Variants in TARBP1 observed in about 807,000 individuals in gnomAD.
TARBP1 encodes the protein tRNA (guanosine(18)-2'-O)-methyltransferase TARBP1.
In TARBP1, 144 loss-of-function variants were observed where a neutral mutation model predicts 178.6. The ratio of observed to expected loss-of-function variants is 0.81; its 90% CI spans 0.70 to 0.93. The LOEUF is 0.93. TARBP1 is among the 40% of genes least tolerant of loss of function. The pLI, the probability that TARBP1 is intolerant of heterozygous loss-of-function variation, is 0.00. For synonymous variants in TARBP1, 787 were observed against 781.0 expected (o/e 1.01, Z -0.13); for missense variants, 2,067 against 2,011.7 (o/e 1.03, Z -0.53).
intron 20 of TARBP1, among the ~76,000 whole-genome samples, chr1:234,421,906 C>T (rs536085834): frequency 6.6e-6 from 1 of 152,332 alleles, no homozygotes; most frequent in Admixed American, 6.5e-5. Context: ...GACCTTTCTT[C>T]TTCCATAATC....
intron 19 of TARBP1, among the ~76,000 whole-genome samples, chr1:234,426,044 A>C (rs1248628296): frequency 1.3e-5 from 2 of 152,264 alleles, no homozygotes; most frequent in Non-Finnish European, 1.5e-5. Flanking sequence ...TGGAGAATCA[A>C]TGCACACGCT....
In TARBP1 at chr1:234,405,894, G is replaced by A; in HGVS notation, c.3989+9C>T. On this transcript the variant is annotated intron_variant, in intron 24 of 29. Coordinates refer to ENST00000040877, the MANE Select transcript of TARBP1 (RefSeq NM_005646.4). ...AGTGAGGGCGATGAGGTTGACGAGG[G>A]CTCCTTACCCTGCTCCGTGCATGCT... 6 of 1,611,664 alleles carry A rather than the reference G, an allele frequency of 3.7e-6. No homozygotes were observed. The highest frequency in any genetic ancestry group is 4.2e-6 in the Non-Finnish European group (5 of 1,178,446).
intron 22 of TARBP1, among the ~76,000 whole-genome samples, chr1:234,416,759 C>T (rs1484001613): frequency 6.6e-6 from 1 of 152,126 alleles, no homozygotes; most frequent in African/African-American, 2.4e-5. Context: ...GAATGAAAGA[C>T]ATCAGAAAGG....
At position 234,478,832 on chromosome 1, in the gene TARBP1, C is replaced by G; in HGVS notation, c.272G>C (p.Arg91Pro). Residue 91 changes from arginine (R) to proline (P), a missense_variant, in exon 1 of 30, where the codon CGC (arginine) becomes CCC (proline). Coordinates refer to ENST00000040877, the MANE Select transcript of TARBP1 (RefSeq NM_005646.4). The part of the protein sequence containing the change: ...AGGPDPSLQP[R>P]HRRRVLRAAG... ...CGCCCTCAGCACGCGCCGGCGGTGG[C>G]GAGGCTGCAGACTGGGGTCCGGGCC... The G allele has an allele frequency of 3.3e-6, 4 of 1,196,464 alleles. No homozygotes were observed. Among genetic ancestry groups the G allele is most frequent in the Non-Finnish European group, 4.1e-6 (4 of 967,492 alleles). 74.1% of individuals were successfully genotyped at this position (1,196,464 alleles called of 1,614,324 possible).
intron 13 of TARBP1, among the ~76,000 whole-genome samples, chr1:234,434,026 C>A (rs12026726): frequency 0.13 from 20,395 of 152,178 alleles, 1,498 homozygotes; most frequent in Middle Eastern, 0.26. Context: ...CTTAAATGCA[C>A]ATTTTTTGAC....
At chr1:234,401,901 C>A (rs907285483) in intron 24 of TARBP1, among the ~76,000 whole-genome samples, 8 of 152,174 alleles carry the variant, frequency 5.3e-5, no homozygotes, top group African/African-American at 1.9e-4. Context: ...GATCTTTCTT[C>A]TTCCTGCCAC....
At chr1:234,462,557 C>T (rs574867877) in intron 6 of TARBP1, among the ~76,000 whole-genome samples, 51 of 152,062 alleles carry the variant, frequency 3.4e-4, no homozygotes, top group African/African-American at 1.1e-3. Flanking sequence ...GGCGTGGTGG[C>T]GCATGCCTGT....
At position 234,461,974 on chromosome 1, in the gene TARBP1, A is replaced by G. The variant is rs547893478; in HGVS notation, c.1400-1578T>C. Among the ~76,000 whole-genome samples the G allele has an allele frequency of 2.1e-3, 321 of 152,340 alleles. 4 individuals carry two copies. The highest frequency in any genetic ancestry group is 7.3e-3 in the African/African-American group (303 of 41,576). ...TGTGTCTTTTGAAATACCTAGCACA[A>G]AAGACATTCAGAACACCCAGAAGAT... On this transcript the variant is annotated intron_variant, in intron 6 of 29. Transcript: ENST00000040877.
chr1:234,399,569 TAA>T (rs1660468567), intron 25 of TARBP1, among the ~76,000 whole-genome samples: 1 of 152,118 alleles, frequency 6.6e-6, no homozygotes, highest in African/African-American at 2.4e-5. Flanking sequence ...CATGCTGCTA[TAA>T]AGACACATGC....
At chr1:234,435,281 C>CTCTACTAAAAATACAAAAATACAAAAA (rs1342074299) in intron 13 of TARBP1, among the ~76,000 whole-genome samples, 33 of 152,170 alleles carry the variant, frequency 2.2e-4, no homozygotes, top group Non-Finnish European at 4.0e-4. Context: ...GAAACTCCGT[C>CTCTACTAAAAATACAAAAATACAAAAA]TCTACTAAAA....
At chr1:234,415,614 C>T (rs1662336010) in intron 22 of TARBP1, among the ~76,000 whole-genome samples, 1 of 152,114 alleles carries the variant, frequency 6.6e-6, no homozygotes, top group Non-Finnish European at 1.5e-5. Context: ...GACCCGGTTC[C>T]AAAGACTCCA....
rs188435028 is a variant in TARBP1 at position 234,430,414 on chromosome 1, G to A, written c.2395-113C>T. 3.8e-5 allele frequency: 32 copies of A among 839,314 alleles called. No homozygotes were observed. In the Admixed American group the frequency reaches 5.6e-4, roughly 15 times the overall value. The allele number at this position is 839,314 out of a possible 1,614,324, so 52.0% of individuals were successfully genotyped here. ...GCTCTCCTTTTCCCTCTTCCTGCCTGCTCCTGAATATCAGGAGAAATAAAA... is the reference window on the plus strand; with the variant it reads ...GCTCTCCTTTTCCCTCTTCCTGCCTACTCCTGAATATCAGGAGAAATAAAA... On this transcript the variant is annotated intron_variant, in intron 14 of 29. Transcript: ENST00000040877.
chr1:234,444,630 C>T (rs546478675), intron 12 of TARBP1, among the ~76,000 whole-genome samples: 2 of 152,222 alleles, frequency 1.3e-5, no homozygotes, highest in East Asian at 3.9e-4. Context: ...CAGACAGATG[C>T]TTATACCCTG....
chr1:234,433,538 T>A lies in TARBP1; in HGVS notation c.2266A>T (p.Met756Leu), dbSNP rs770997408. The change falls in exon 14 of 30, where the codon ATG becomes TTG. Residue 756 changes from methionine (M) to leucine (L), a missense_variant. By Grantham distance (15) the Met-to-Leu change is conservative. Transcript: ENST00000040877. The part of the protein sequence containing the change: ...SDLDRCHLYL[M>L]VLTELINLHL... ...AGATTTATAAGCTCAGTTAACACCA[T>A]CAGGTATAAATGGCAACGATCCAGA... 6.2e-7 allele frequency: 1 copy of A among 1,613,608 alleles called. No individual in the cohort carries two copies. The highest frequency in any genetic ancestry group is 8.5e-7 in the Non-Finnish European group (1 of 1,179,940).
rs2103288841 is a variant in TARBP1, at chr1:234,467,593, C to T, written c.1157G>A (p.Ser386Asn). The stretch of plus-strand genomic sequence containing the variant: ...TTCTTTGGACAGGATTTTGTTTTCA[C>T]TTTCAAACATTCTTTTATAAATACA... The part of the protein sequence containing the change: ...HMCIYKRMFE[S>N]ENKILSKEGV... Residue 386 changes from serine to asparagine, a missense_variant, in exon 4 of 30, where the codon AGT (serine) becomes AAT (asparagine). Transcript: ENST00000040877. The T allele has an allele frequency of 3.7e-6, 6 of 1,609,762 alleles. No individual in the cohort carries two copies. Among genetic ancestry groups the T allele is most frequent in the Non-Finnish European group, 5.1e-6 (6 of 1,178,856 alleles).
intron 22 of TARBP1, among the ~76,000 whole-genome samples, chr1:234,413,259 C>T (rs985523658): frequency 2.6e-5 from 4 of 152,214 alleles, no homozygotes; most frequent in African/African-American, 9.6e-5. Flanking sequence ...CGCCTGTAAT[C>T]CCAGCACTTT....
chr1:234,462,486 C>T (rs539002447), intron 6 of TARBP1, among the ~76,000 whole-genome samples: 9 of 152,072 alleles, frequency 5.9e-5, no homozygotes, highest in East Asian at 1.9e-4. Context: ...GTCAAAACAT[C>T]GAGACCATAC....
intron 1 of TARBP1, among the ~76,000 whole-genome samples, chr1:234,474,270 AC>A (rs1558264723): frequency 0.015 from 2,229 of 150,768 alleles, 62 homozygotes; most frequent in African/African-American, 0.049. Flanking sequence ...ACACACACAC[AC>A]ACACACACAC....
chr1:234,448,659 A>G, intron 10 of TARBP1, 80 bp from the exon 11 acceptor site: 1 of 976,338 alleles, frequency 1.0e-6, no homozygotes, highest in South Asian at 1.4e-5. Context: ...CCACTAAATG[A>G]TTATGCCTTA....
Sources: gnomAD v4.1 joint callset for allele counts (sites outside exome capture counted in the v4.1 genomes callset) on GRCh38, gnomAD v4.1.1 for gene constraint, MANE v1.5 for transcripts, NCBI Gene and HGNC (gene_info 2026-07-23, HGNC 2026-07-21) for gene names.